NCOA2: variants seen among roughly 807,000 people sequenced by gnomAD.
NCOA2 encodes the protein nuclear receptor coactivator 2, also known as class E basic helix-loop-helix protein 75.
In NCOA2, 21 loss-of-function variants were observed where a neutral mutation model predicts 145.1. The observed-to-expected ratio is 0.14, with a 90% CI of 0.10 to 0.21. The LOEUF is 0.21. Among genes scored for constraint, NCOA2 ranks in the 10% least tolerant of loss-of-function variants. NCOA2 has a pLI of 1.00. For missense variants in NCOA2, 1,472 were observed against 1,837.6 expected (o/e 0.80, Z 3.64); for synonymous variants, 619 against 637.5 (o/e 0.97, Z 0.44).
chr8:70,273,369 A>G, intron 2 of NCOA2: 1 of 682,542 alleles, frequency 1.5e-6, no homozygotes, highest in South Asian at 2.0e-5. Context: ...ATCCGCTGCG[A>G]CAAGATGAAA....
chr8:70,288,242 C>G (rs1411809860), intron 2 of NCOA2, among the ~76,000 whole-genome samples: 1 of 152,066 alleles, frequency 6.6e-6, no homozygotes, highest in East Asian at 1.9e-4. Context: ...TTTTTATTCA[C>G]TATGATGTGA....
intron 1 of NCOA2, among the ~76,000 whole-genome samples, chr8:70,378,788 A>C (rs562443277): frequency 6.6e-6 from 1 of 151,664 alleles, no homozygotes; most frequent in South Asian, 2.1e-4. Flanking sequence ...ATGTTATTCA[A>C]TCAACTCTGC....
At chr8:70,293,528 T>C (rs1826865240) in intron 2 of NCOA2, among the ~76,000 whole-genome samples, 2 of 152,216 alleles carry the variant, frequency 1.3e-5, no homozygotes. Flanking sequence ...CTCCCCCATG[T>C]TGGTATTTAA....
At chr8:70,184,908 T>C (rs1815886436) in intron 4 of NCOA2, among the ~76,000 whole-genome samples, 1 of 152,198 alleles carries the variant, frequency 6.6e-6, no homozygotes, top group Non-Finnish European at 1.5e-5. Context: ...TCATTTGTCT[T>C]CTGGGGCCAT....
chr8:70,326,452 T>TGC (rs1419692336), intron 1 of NCOA2, among the ~76,000 whole-genome samples: 27 of 136,416 alleles, frequency 2.0e-4, no homozygotes, highest in Non-Finnish European at 3.5e-4. Context: ...CACACACACG[T>TGC]GCACACACAC....
chr8:70,167,773 A>C (rs368162165), intron 6 of NCOA2, among the ~76,000 whole-genome samples: 1 of 152,344 alleles, frequency 6.6e-6, no homozygotes, highest in East Asian at 1.9e-4. Context: ...GAAAGACAAC[A>C]ATTATTTTTG....
chr8:70,144,291 T>C (rs950737878), intron 13 of NCOA2, among the ~76,000 whole-genome samples: 2 of 152,230 alleles, frequency 1.3e-5, no homozygotes, highest in Non-Finnish European at 2.9e-5. Context: ...CAAACACAAA[T>C]AATCAATCCA....
At chr8:70,151,223 C>T (rs959493347) in intron 11 of NCOA2, among the ~76,000 whole-genome samples, 1 of 151,640 alleles carries the variant, frequency 6.6e-6, no homozygotes, top group Non-Finnish European at 1.5e-5. Flanking sequence ...TATTTGCTTC[C>T]AATCCCAGAC....
chr8:70,179,950 G>A (rs563385246), intron 4 of NCOA2, among the ~76,000 whole-genome samples: 1 of 152,080 alleles, frequency 6.6e-6, no homozygotes, highest in Non-Finnish European at 1.5e-5. Context: ...TTAAATTTTT[G>A]TTTTTGTTTT....
At chr8:70,435,424 C>CAAAAAAAAAAAAA in the NCOA2 span, among the ~76,000 whole-genome samples, 24 of 20,154 alleles carry the variant, frequency 1.2e-3, 2 homozygotes, top group African/African-American at 2.8e-3. Flanking sequence ...GACTCCGTCT[C>CAAAAAAAAAAAAA]AAAAAAAAAA....
chr8:70,110,439 G>C lies in NCOA2; in HGVS notation c.*3193C>G, dbSNP rs1386272383. ...TGCTTTAGTCTATAAAGAAACACCA[G>C]GGAGAAAATTCTAATTAAAATCGAA... is the stretch of plus-strand genomic sequence containing the variant. On this transcript the variant is annotated 3_prime_UTR_variant, in exon 23 of 23. Transcript: ENST00000452400. The C allele has an allele frequency of 5.1e-6, 1 of 195,922 alleles. No individual in the cohort carries two copies. The highest frequency in any genetic ancestry group is 1.1e-5 in the Non-Finnish European group (1 of 94,498). 12.1% of individuals were successfully genotyped at this position (195,922 alleles called of 1,614,324 possible).
the NCOA2 span, among the ~76,000 whole-genome samples, chr8:70,424,850 A>G: frequency 6.6e-6 from 1 of 152,128 alleles, no homozygotes; most frequent in African/African-American, 2.4e-5. Flanking sequence ...GTTTCCATCC[A>G]CTTGAAGATG....
At chr8:70,161,326 GT>G (rs1812973234) in intron 9 of NCOA2, among the ~76,000 whole-genome samples, 1 of 152,106 alleles carries the variant, frequency 6.6e-6, no homozygotes, top group Admixed American at 6.5e-5. Flanking sequence ...CAGTTTCTTA[GT>G]TTTTGTTATT....
At chr8:70,143,450 TA>T (rs1270916004) in intron 13 of NCOA2, among the ~76,000 whole-genome samples, 3 of 152,154 alleles carry the variant, frequency 2.0e-5, no homozygotes, top group Admixed American at 6.5e-5. Flanking sequence ...GAACTTTATA[TA>T]AATCAATATT....
intron 1 of NCOA2, among the ~76,000 whole-genome samples, chr8:70,382,348 C>T (rs1769316258): frequency 6.6e-6 from 1 of 151,920 alleles, no homozygotes; most frequent in African/African-American, 2.4e-5. Flanking sequence ...AAGAAACTGG[C>T]AATAATAAAT....
At chr8:70,267,193 A>C (rs551839618) in intron 2 of NCOA2, among the ~76,000 whole-genome samples, 1 of 152,282 alleles carries the variant, frequency 6.6e-6, no homozygotes, top group Non-Finnish European at 1.5e-5. Context: ...TCTCCATAAA[A>C]TGAGAATATT....
In NCOA2 at chr8:70,166,724, G is replaced by A. The variant is rs778917513; in HGVS notation, c.572C>T (p.Pro191Leu). 15 of 1,613,796 alleles carry A rather than the reference G, an allele frequency of 9.3e-6. No individual in the cohort carries two copies. Among genetic ancestry groups the A allele is most frequent in the South Asian group, 6.6e-5 (6 of 91,078 alleles). ...ATTGAAGGTATGGCTGTTCCGCCTC[G>A]GAGGTTCGCCAGACCAAGATCCCCC... is the stretch of plus-strand genomic sequence containing the variant. Reference protein sequence around the residue: ...VNGGSWSGEPPRRNSHTFNCR... With the variant: ...VNGGSWSGEPLRRNSHTFNCR... The change falls in exon 7 of 23, where the codon CCG becomes CTG. Residue 191 changes from proline (P) to leucine (L), a missense_variant. Coordinates refer to ENST00000452400, the MANE Select transcript of NCOA2 (RefSeq NM_006540.4).
chr8:70,255,596 C>T (rs1563686741), intron 2 of NCOA2, among the ~76,000 whole-genome samples: 1 of 152,192 alleles, frequency 6.6e-6, no homozygotes, highest in Non-Finnish European at 1.5e-5. Flanking sequence ...TGAGCCCTAT[C>T]GTGGAATCTA....
chr8:70,400,340 A>G (rs1023444076), intron 1 of NCOA2, among the ~76,000 whole-genome samples: 1 of 152,210 alleles, frequency 6.6e-6, no homozygotes, highest in Non-Finnish European at 1.5e-5. Flanking sequence ...ATGGAATCAC[A>G]GCTGACGATG....
Sources: allele counts gnomAD v4.1 joint callset (sites outside exome capture counted in the v4.1 genomes callset), GRCh38; gene constraint gnomAD v4.1.1; transcripts MANE v1.5; gene names NCBI Gene and HGNC (gene_info 2026-07-23, HGNC 2026-07-21).